The following KITLG variants were observed in gnomAD, a reference collection of about 807,000 sequenced individuals.
KITLG encodes c-Kit ligand.
Under a neutral mutation model 34.1 loss-of-function variants are expected in KITLG, and 13 were observed. That is an observed-to-expected ratio of 0.38 (90% CI 0.25 to 0.61). KITLG has a LOEUF of 0.61. KITLG is among the 20% of genes least tolerant of loss of function. The pLI is 0.60. For synonymous variants in KITLG, 110 were observed against 104.0 expected, an observed-to-expected ratio of 1.06 and a Z score of -0.35; for missense variants, 292 against 318.9, an observed-to-expected ratio of 0.92 and a Z score of 0.64.
chr12:88,505,710 G>A (rs549380349), intron 8 of KITLG, among the ~76,000 whole-genome samples: 1 of 152,222 alleles, frequency 6.6e-6, no homozygotes, highest in East Asian at 1.9e-4. Flanking sequence ...ATAGTTAAGG[G>A]CTCTGAAAGC....
chr12:88,540,057 A>G (rs1007182301), intron 2 of KITLG, among the ~76,000 whole-genome samples: 1 of 152,166 alleles, frequency 6.6e-6, no homozygotes, highest in African/African-American at 2.4e-5. Context: ...TAGGGAGTGT[A>G]TAATACCTCA....
chr12:88,563,930 C>G (rs1871368341), intron 1 of KITLG, among the ~76,000 whole-genome samples: 1 of 151,240 alleles, frequency 6.6e-6, no homozygotes, highest in Admixed American at 6.6e-5. Context: ...CCATTGCACT[C>G]CAGCAGGGGC....
intron 1 of KITLG, among the ~76,000 whole-genome samples, chr12:88,567,328 T>C (rs1192577488): frequency 6.6e-6 from 1 of 152,192 alleles, no homozygotes; most frequent in Admixed American, 6.5e-5. Flanking sequence ...AGAAAACCTT[T>C]GGAAACAAAC....
intron 2 of KITLG, among the ~76,000 whole-genome samples, chr12:88,536,657 A>G (rs1026837742): frequency 3.9e-5 from 6 of 152,202 alleles, no homozygotes; most frequent in Non-Finnish European, 7.3e-5. Flanking sequence ...ATGCAGCCAT[A>G]AAAAGGATGA....
intron 3 of KITLG, among the ~76,000 whole-genome samples, chr12:88,521,505 TTTC>T (rs1393169691): frequency 6.6e-6 from 1 of 152,156 alleles, no homozygotes; most frequent in Non-Finnish European, 1.5e-5. Context: ...ATTATCACTG[TTTC>T]TTATTTTTCA....
intron 1 of KITLG, among the ~76,000 whole-genome samples, chr12:88,565,639 A>T (rs940643473): frequency 6.6e-6 from 1 of 152,138 alleles, no homozygotes. Context: ...ACAAAGAAAC[A>T]AACAAACAAA....
intron 1 of KITLG, among the ~76,000 whole-genome samples, chr12:88,557,665 C>T (rs891266403): frequency 6.6e-5 from 10 of 152,006 alleles, no homozygotes; most frequent in African/African-American, 2.2e-4. Context: ...ATATATCTAC[C>T]GCCAACTCTC....
At chr12:88,560,779 C>A (rs536346900) in intron 1 of KITLG, among the ~76,000 whole-genome samples, 78 of 151,896 alleles carry the variant, frequency 5.1e-4, no homozygotes, top group African/African-American at 1.9e-3. Context: ...ACCAGCCTGG[C>A]CAACACAGTG....
intron 9 of KITLG, among the ~76,000 whole-genome samples, chr12:88,498,889 G>C (rs1256024917): frequency 1.1e-4 from 16 of 152,114 alleles, no homozygotes; most frequent in East Asian, 5.8e-4. Flanking sequence ...AGACTCTCAA[G>C]AAAGAAAGAG....
At chr12:88,570,167 C>T (rs1338443924) in intron 1 of KITLG, among the ~76,000 whole-genome samples, 1 of 152,104 alleles carries the variant, frequency 6.6e-6, no homozygotes, top group African/African-American at 2.4e-5. Flanking sequence ...CAACAAAGTA[C>T]CACTTTATTT....
chr12:88,498,071 AG>A (rs1868710017), intron 9 of KITLG, among the ~76,000 whole-genome samples: 1 of 152,190 alleles, frequency 6.6e-6, no homozygotes, highest in African/African-American at 2.4e-5. Context: ...TCAACTTTCC[AG>A]TAAAGTATTT....
intron 9 of KITLG, 23 bp downstream of exon 9, chr12:88,505,136 A>C (rs764868438): frequency 7.9e-7 from 1 of 1,270,032 alleles, no homozygotes; most frequent in Non-Finnish European, 1.1e-6. Flanking sequence ...AAGAAAAAAA[A>C]AGGAAAGAAG....
chr12:88,506,998 A>AT (rs761932953), intron 7 of KITLG, 30 bp downstream of exon 7: 2 of 1,169,782 alleles, frequency 1.7e-6, no homozygotes, highest in African/African-American at 1.5e-5. Flanking sequence ...AACATAGCAT[A>AT]TTTTTAAAAA....
chr12:88,546,382 G>C (rs1382028151), intron 1 of KITLG, among the ~76,000 whole-genome samples: 1 of 152,132 alleles, frequency 6.6e-6, no homozygotes, highest in Admixed American at 6.6e-5. Flanking sequence ...GAATTTGTGA[G>C]ACATCAAAAG....
At chr12:88,504,780 T>C (rs1018883273) in intron 9 of KITLG, among the ~76,000 whole-genome samples, 2 of 152,074 alleles carry the variant, frequency 1.3e-5, no homozygotes, top group African/African-American at 4.8e-5. Flanking sequence ...ACCCAAAGGA[T>C]TATAAAATTA....
chr12:88,506,299 A>G lies in KITLG; in HGVS notation c.782+12T>C. 1.3e-6 allele frequency: 2 copies of G among 1,583,804 alleles called. No homozygotes were observed. The highest frequency in any genetic ancestry group is 1.7e-5 in the Admixed American group (1 of 59,974). On this transcript the variant is annotated intron_variant, in intron 8 of 9. Transcript: ENST00000644744. ...ATGCTTGATTGGGCACACATTTAGC[A>G]AAACAAAATACCTTATCTCATTATC...
At chr12:88,529,616 C>G (rs1362011553) in intron 3 of KITLG, among the ~76,000 whole-genome samples, 2 of 152,078 alleles carry the variant, frequency 1.3e-5, no homozygotes, top group Non-Finnish European at 2.9e-5. Context: ...TGCCCAGTGC[C>G]CATGGGCAGA....
intron 2 of KITLG, among the ~76,000 whole-genome samples, chr12:88,542,080 T>C (rs896349233): frequency 3.3e-5 from 5 of 152,162 alleles, no homozygotes; most frequent in African/African-American, 1.2e-4. Context: ...TCATCCTATA[T>C]AACCTCCTTC....
intron 9 of KITLG, among the ~76,000 whole-genome samples, chr12:88,500,263 CTCCTT>C (rs1415909179): frequency 1.3e-5 from 2 of 152,222 alleles, no homozygotes; most frequent in Non-Finnish European, 2.9e-5. Flanking sequence ...TGATTTCTCT[CTCCTT>C]TCAAAAATAG....
Sources: gnomAD v4.1 joint callset for allele counts (sites outside exome capture counted in the v4.1 genomes callset) on GRCh38, gnomAD v4.1.1 for gene constraint, MANE v1.5 for transcripts, NCBI Gene and HGNC (gene_info 2026-07-23, HGNC 2026-07-21) for gene names.